Variants in F5 observed in about 807,000 individuals in gnomAD.
The protein encoded by F5 is activated protein c cofactor.
In F5, 138 loss-of-function variants were observed where a neutral mutation model predicts 216.4. The observed-to-expected ratio is 0.64, with a 90% CI of 0.56 to 0.73. F5 has a LOEUF of 0.73. Ranked by LOEUF, F5 falls within the 30% of genes least tolerant of loss-of-function variation. The pLI, the probability that F5 is intolerant of heterozygous loss-of-function variation, is 0.00. For missense variants in F5, 2,403 were observed against 2,674.0 expected, an observed-to-expected ratio of 0.90 and a Z score of 2.24; for synonymous variants, 916 against 930.7, an observed-to-expected ratio of 0.98 and a Z score of 0.29.
At chr1:169,516,555 A>G (rs1016209172) in intron 23 of F5, among the ~76,000 whole-genome samples, 11 of 152,258 alleles carry the variant, frequency 7.2e-5, no homozygotes, top group Admixed American at 5.2e-4. Flanking sequence ...CTGAATTAGA[A>G]TGATTATATG....
Position 169,550,714 on chromosome 1 carries a change from C to T in F5, c.1322G>A (p.Arg441His), listed in dbSNP as rs776229645. Reference sequence around the variant, plus strand: ...TCCATGAGGGTAAATGCTATAGGGGCGGCTGGCCATATTTTTGAACACGAT... The same window carrying T: ...TCCATGAGGGTAAATGCTATAGGGGTGGCTGGCCATATTTTTGAACACGAT... ...LKIVFKNMAS[R>H]PYSIYPHGVT... Residue 441 changes from arginine to histidine, a missense_variant, in exon 9 of 25, where the codon CGC becomes CAC. Physicochemically the swap from Arg to His is conservative, Grantham distance 29 (BLOSUM62 0). This residue lies in a region of F5 where 1,425 missense variants were observed against 1,554.8 expected (regional missense o/e 0.92). Coordinates refer to ENST00000367797, the MANE Select transcript of F5 (RefSeq NM_000130.5). 2.3e-5 allele frequency: 37 copies of T among 1,613,630 alleles called. No individual in the cohort carries two copies. Among genetic ancestry groups the T allele is most frequent in the East Asian group, 4.5e-5 (2 of 44,868 alleles).
rs1660119114 is a variant in F5, at chr1:169,549,868, A to G, written c.1544T>C (p.Ile515Thr). ...YYSDVDIMRD[I>T]ASGLIGLLLI... ...AAGTAGTCCTATTAGCCCAGAGGCGATGTCTCTCATGATGTCCACGTCACT... is the reference window on the plus strand; with the variant it reads ...AAGTAGTCCTATTAGCCCAGAGGCGGTGTCTCTCATGATGTCCACGTCACT... Residue 515 changes from isoleucine (I) to threonine (T), a missense_variant, in exon 10 of 25, where the codon ATC becomes ACC. This residue lies in a region of F5 where 1,425 missense variants were observed against 1,554.8 expected (regional missense o/e 0.92). Transcript: ENST00000367797. 6.2e-7 allele frequency: 1 copy of G among 1,614,092 alleles called. No homozygotes were observed. The highest frequency in any genetic ancestry group is 1.6e-4 in the Middle Eastern group (1 of 6,062).
chr1:169,514,796 T>C (rs553060111), intron 24 of F5, among the ~76,000 whole-genome samples: 1 of 152,282 alleles, frequency 6.6e-6, no homozygotes, highest in East Asian at 1.9e-4. Context: ...ATCTCACCAG[T>C]GATCTGACTT....
At chr1:169,524,531 C>T (rs1296359596) in intron 19 of F5, among the ~76,000 whole-genome samples, 1 of 152,084 alleles carries the variant, frequency 6.6e-6, no homozygotes, top group Non-Finnish European at 1.5e-5. Context: ...AGAGGCTGGG[C>T]TTTTTATGTA....
intron 13 of F5, 95 bp downstream of exon 13, chr1:169,540,199 A>G (rs1659800101): frequency 1.5e-6 from 2 of 1,349,062 alleles, no homozygotes; most frequent in African/African-American, 1.4e-5. Context: ...TGTTCTTAGT[A>G]TAATTTGCCC....
chr1:169,552,520 G>A (rs780352838), intron 8 of F5, 37 bp downstream of exon 8: 2 of 1,556,998 alleles, frequency 1.3e-6, no homozygotes. Context: ...ATTTTACTAT[G>A]TAATTTCTCC....
intron 2 of F5, among the ~76,000 whole-genome samples, chr1:169,575,734 G>A (rs760148467): frequency 6.6e-6 from 1 of 152,132 alleles, no homozygotes; most frequent in Non-Finnish European, 1.5e-5. Flanking sequence ...CTGGGTGGAG[G>A]AGGGTGCCAT....
chr1:169,539,043 T>C (rs1553219092), intron 13 of F5, among the ~76,000 whole-genome samples: 1 of 152,222 alleles, frequency 6.6e-6, no homozygotes, highest in Non-Finnish European at 1.5e-5. Flanking sequence ...AAAAGTTTAA[T>C]TACAAATTAT....
rs1262914383 is a variant in F5, at chr1:169,559,231, A to G, written c.652T>C (p.Phe218Leu). The change falls in exon 5 of 25, where the codon TTT (phenylalanine) becomes CTT (leucine). Residue 218 changes from phenylalanine to leucine, a missense_variant. Phe to Leu is a conservative substitution (Grantham distance 22, BLOSUM62 0). This residue lies in a region of F5 where 1,425 missense variants were observed against 1,554.8 expected (regional missense o/e 0.92). Transcript: ENST00000367797. Reference protein sequence around the residue: ...DKQIVLLFAVFDESKSWSQSS... With the variant: ...DKQIVLLFAVLDESKSWSQSS... Reference sequence around the variant, plus strand: ...TGGCTCCAGCTCTTGCTTTCATCAAACACAGCAAATAGTAGCACGATTTGC... The same window carrying G: ...TGGCTCCAGCTCTTGCTTTCATCAAGCACAGCAAATAGTAGCACGATTTGC... The G allele has an allele frequency of 1.9e-6, 3 of 1,613,844 alleles. No homozygotes were observed. The highest frequency in any genetic ancestry group is 8.5e-7 in the Non-Finnish European group (1 of 1,179,810).
intron 14 of F5, among the ~76,000 whole-genome samples, chr1:169,533,280 A>C (rs776181894): frequency 2.0e-5 from 3 of 152,216 alleles, no homozygotes; most frequent in Non-Finnish European, 4.4e-5. Flanking sequence ...TTAAAGATTT[A>C]AATGTCAGAC....
chr1:169,555,721 T>C (rs1311690459), intron 6 of F5, among the ~76,000 whole-genome samples: 1 of 151,412 alleles, frequency 6.6e-6, no homozygotes, highest in African/African-American at 2.4e-5. Context: ...CAGTACCTAA[T>C]AAAATTGTTG....
chr1:169,558,133 G>T (rs1335626891), intron 5 of F5, among the ~76,000 whole-genome samples: 1 of 152,118 alleles, frequency 6.6e-6, no homozygotes, highest in Non-Finnish European at 1.5e-5. Context: ...TAGGATAAAT[G>T]GTTAGTCCAC....
chr1:169,538,514 A>C (rs781395704), intron 13 of F5, among the ~76,000 whole-genome samples: 4 of 152,232 alleles, frequency 2.6e-5, no homozygotes, highest in Non-Finnish European at 5.9e-5. Context: ...TAGGTTAATT[A>C]GCTTGATTTA....
chr1:169,571,776 A>G (rs1660729060), intron 3 of F5, among the ~76,000 whole-genome samples: 1 of 152,144 alleles, frequency 6.6e-6, no homozygotes, highest in Non-Finnish European at 1.5e-5. Context: ...ACCAAAGCCA[A>G]AAAAATAGGT....
At chr1:169,544,575 C>G in intron 11 of F5, 67 bp from the exon 12 acceptor site, 1 of 1,297,984 alleles carries the variant, frequency 7.7e-7, no homozygotes, top group South Asian at 1.2e-5. Context: ...CTAATTATAC[C>G]TAAGATAAAT....
rs545961594 is a variant in F5 at position 169,542,895 on chromosome 1, G to T, written c.2195C>A (p.Ala732Glu). ...ADYDYQNRLAAALGIRSFRNS... is the reference protein window; with the variant it reads ...ADYDYQNRLAEALGIRSFRNS... ...TCGGAATGACCTGATTCCTAATGCTGCAGCCAGTCTGTTCTGGTAATCATA... is the reference window on the plus strand; with the variant it reads ...TCGGAATGACCTGATTCCTAATGCTTCAGCCAGTCTGTTCTGGTAATCATA... Residue 732 changes from alanine to glutamate, a missense_variant, in exon 13 of 25, where the codon GCA becomes GAA. Physicochemically the swap from Ala to Glu is moderately radical, Grantham distance 107. This residue lies in a region of F5 where 1,425 missense variants were observed against 1,554.8 expected (regional missense o/e 0.92). Coordinates refer to ENST00000367797, the MANE Select transcript of F5 (RefSeq NM_000130.5). The T allele has an allele frequency of 6.2e-6, 10 of 1,614,068 alleles. No homozygotes were observed. The highest frequency in any genetic ancestry group is 8.5e-6 in the Non-Finnish European group (10 of 1,179,978).
At chr1:169,539,324 T>C (rs1485076673) in intron 13 of F5, among the ~76,000 whole-genome samples, 1 of 152,116 alleles carries the variant, frequency 6.6e-6, no homozygotes, top group Non-Finnish European at 1.5e-5. Flanking sequence ...AGGGAGTGGG[T>C]AAAGCAACTC....
chr1:169,522,112 A>G (rs889513105), intron 21 of F5, among the ~76,000 whole-genome samples: 3 of 152,192 alleles, frequency 2.0e-5, no homozygotes, highest in Non-Finnish European at 4.4e-5. Flanking sequence ...TGAAATATAC[A>G]AAGTATTTCA....
rs1460998046 is a variant in F5 at position 169,536,521 on chromosome 1, C to A, written c.4956G>T (p.Val1652=). The A allele has an allele frequency of 6.2e-7, 1 of 1,613,210 alleles. No individual in the cohort carries two copies. Among genetic ancestry groups the A allele is most frequent in the East Asian group, 2.2e-5 (1 of 44,848 alleles). The part of the protein sequence containing the change: ...GILGPIIRAE[V]DDVIQVRFKN... Reference sequence around the variant, plus strand: ...AAAGACTTACTTGGATAACATCATCCACTTCAGCTCTGATAATAGGACCAA... The same window carrying A: ...AAAGACTTACTTGGATAACATCATCAACTTCAGCTCTGATAATAGGACCAA... Residue 1652 remains valine, a synonymous_variant, in exon 14 of 25, where the codon GTG becomes GTT. Transcript: ENST00000367797.
Sources: gnomAD v4.1 joint callset for allele counts (sites outside exome capture counted in the v4.1 genomes callset) on GRCh38, gnomAD v4.1.1 for gene constraint, gnomAD v4.1.1 regional missense constraint, MANE v1.5 for transcripts, NCBI Gene and HGNC (gene_info 2026-07-23, HGNC 2026-07-21) for gene names.